The following LPIN1 variants were observed in gnomAD, a reference collection of about 807,000 sequenced individuals.
LPIN1 encodes phosphatidate phosphatase LPIN1.
In LPIN1, 71 loss-of-function variants were observed where a neutral mutation model predicts 107.5. That is an observed-to-expected ratio of 0.66 (90% CI 0.55 to 0.80). The LOEUF (loss-of-function observed/expected upper bound fraction) is 0.80. Ranked by LOEUF, LPIN1 falls within the 30% of genes least tolerant of loss-of-function variation. The pLI, the probability that LPIN1 is intolerant of heterozygous loss-of-function variation, is 0.00. For synonymous variants in LPIN1, 445 were observed against 452.6 expected, an observed-to-expected ratio of 0.98 and a Z score of 0.21; for missense variants, 1,043 against 1,160.6, an observed-to-expected ratio of 0.90 and a Z score of 1.47.
Position 11,782,453 on chromosome 2 carries a change from T to C in LPIN1, c.1210T>C (p.Ser404Pro), listed in dbSNP as rs1401494832. The change falls in exon 8 of 21, where the codon TCT becomes CCT. Residue 404 changes from serine (S) to proline (P), a missense_variant. Coordinates refer to ENST00000674199, the MANE Select transcript of LPIN1 (RefSeq NM_001349206.2). ...CATGATCGAGGAGCTCAAACCCCCCTCTGCCAGTGTAGTCCAGACAGCAAA... is the reference window on the plus strand; with the variant it reads ...CATGATCGAGGAGCTCAAACCCCCCCCTGCCAGTGTAGTCCAGACAGCAAA... ...LPMIEELKPP[S>P]ASVVQTANKT... 1 of 1,614,130 alleles carries C rather than the reference T, an allele frequency of 6.2e-7. No homozygotes were observed. Among genetic ancestry groups the C allele is most frequent in the Non-Finnish European group, 8.5e-7 (1 of 1,180,012 alleles).
intron 14 of LPIN1, among the ~76,000 whole-genome samples, chr2:11,797,709 C>T (rs987136143): frequency 1.3e-5 from 2 of 152,244 alleles, no homozygotes; most frequent in Non-Finnish European, 2.9e-5. Context: ...AAGCAACTCA[C>T]TTGCTTTTGA....
intron 7 of LPIN1, 44 bp downstream of exon 7, chr2:11,779,689 T>C (rs747131659): frequency 1.2e-6 from 2 of 1,612,002 alleles, no homozygotes; most frequent in Non-Finnish European, 1.7e-6. Context: ...GATTTCTAAC[T>C]CAGCTTAAAT....
chr2:11,732,469 G>A (rs1024377236), intron 1 of LPIN1, among the ~76,000 whole-genome samples: 2 of 152,144 alleles, frequency 1.3e-5, no homozygotes, highest in Non-Finnish European at 2.9e-5. Flanking sequence ...AGCTGTCTTT[G>A]TTTTCTGTGT....
chr2:11,724,823 C>T (rs576457583), intron 1 of LPIN1, among the ~76,000 whole-genome samples: 19 of 152,316 alleles, frequency 1.2e-4, no homozygotes, highest in African/African-American at 3.1e-4. Flanking sequence ...TTTGCTGGTT[C>T]GCTCTGGGCT....
chr2:11,749,377 A>G (rs1431460820), intron 1 of LPIN1, among the ~76,000 whole-genome samples: 1 of 152,136 alleles, frequency 6.6e-6, no homozygotes, highest in Non-Finnish European at 1.5e-5. Context: ...GCCCCCTAGG[A>G]GGCCACACTG....
intron 1 of LPIN1, among the ~76,000 whole-genome samples, chr2:11,683,963 G>A (rs368302329): frequency 5.7e-4 from 87 of 152,312 alleles, no homozygotes; most frequent in African/African-American, 2.0e-3. Flanking sequence ...CCAGCATGGG[G>A]GTGAGTGAGG....
chr2:11,782,330 G>A lies in LPIN1; in HGVS notation c.1087G>A (p.Gly363Ser), dbSNP rs774937420. The change falls in exon 8 of 21, where the codon GGT becomes AGT. Residue 363 changes from glycine (G) to serine (S), a missense_variant. Coordinates refer to ENST00000674199, the MANE Select transcript of LPIN1 (RefSeq NM_001349206.2). Reference sequence around the variant, plus strand: ...TAGTGACCAATCGCCAACTCTGGTCGGTGGGGCACTTTTGGACCAGAACAA... The same window carrying A: ...TAGTGACCAATCGCCAACTCTGGTCAGTGGGGCACTTTTGGACCAGAACAA... Reference protein sequence around the residue: ...TFSDQSPTLVGGALLDQNKPQ... With the variant: ...TFSDQSPTLVSGALLDQNKPQ... The A allele has an allele frequency of 2.1e-5, 34 of 1,614,070 alleles. No homozygotes were observed. The highest frequency in any genetic ancestry group is 2.8e-5 in the Non-Finnish European group (33 of 1,180,042).
At chr2:11,709,280 G>A (rs992739563) in intron 1 of LPIN1, among the ~76,000 whole-genome samples, 7 of 152,218 alleles carry the variant, frequency 4.6e-5, no homozygotes, top group African/African-American at 1.7e-4. Flanking sequence ...TGGTGTAGGA[G>A]GGTGTATGCA....
At chr2:11,724,753 G>A (rs1052127734) in intron 1 of LPIN1, 10 of 468,692 alleles carry the variant, frequency 2.1e-5, no homozygotes, top group Non-Finnish European at 2.8e-5. Flanking sequence ...GCTGAAGGGG[G>A]CAGTGACTGG....
intron 1 of LPIN1, among the ~76,000 whole-genome samples, chr2:11,730,068 A>C (rs1665037883): frequency 6.6e-6 from 1 of 151,808 alleles, no homozygotes; most frequent in Non-Finnish European, 1.5e-5. Flanking sequence ...ATTCCACCCT[A>C]CTCTTTCTCT....
chr2:11,763,728 A>T (rs11892204), intron 1 of LPIN1, among the ~76,000 whole-genome samples: 86,916 of 150,964 alleles, frequency 0.58, 26,063 homozygotes, highest in African/African-American at 0.73. Flanking sequence ...ATTCTTCCCT[A>T]GTGCACATTC....
At chr2:11,729,694 T>C (rs1351032221) in intron 1 of LPIN1, among the ~76,000 whole-genome samples, 1 of 152,224 alleles carries the variant, frequency 6.6e-6, no homozygotes, top group Non-Finnish European at 1.5e-5. Flanking sequence ...GGCTCTCTTA[T>C]GTGGTTTCTG....
chr2:11,810,387 G>C (rs532564541), intron 17 of LPIN1, among the ~76,000 whole-genome samples: 2 of 118,526 alleles, frequency 1.7e-5, no homozygotes, highest in South Asian at 5.0e-4. Context: ...GTAGGAGCGA[G>C]AGGGGAGGCT....
chr2:11,681,972 T>A (rs866175211), intron 1 of LPIN1, among the ~76,000 whole-genome samples: 5 of 152,162 alleles, frequency 3.3e-5, no homozygotes, highest in African/African-American at 1.2e-4. Context: ...ACTTCTCCCA[T>A]ACCGCGAACC....
At chr2:11,691,610 G>T (rs6432233) in intron 1 of LPIN1, among the ~76,000 whole-genome samples, 39,135 of 152,042 alleles carry the variant, frequency 0.26, 7,461 homozygotes, top group African/African-American at 0.54. Flanking sequence ...GTTGGAGCCC[G>T]GCTATGTCAT....
rs766980528 is a variant in LPIN1, at chr2:11,765,693, G to A, written c.152G>A (p.Arg51His). The A allele has an allele frequency of 7.4e-6, 12 of 1,612,726 alleles. No individual in the cohort carries two copies. The highest frequency in any genetic ancestry group is 1.3e-5 in the African/African-American group (1 of 74,864). Residue 51 changes from arginine (R) to histidine (H), a missense_variant, in exon 2 of 21, where the codon CGC becomes CAC. By Grantham distance (29) the Arg-to-His change is conservative. Transcript: ENST00000674199. This position sits in a 1 kb window ranked among gnomAD's most constrained non-coding sequence, Gnocchi z 4.4. ...GNLQCSPFHV[R>H]FGKMGVLRSR... The stretch of plus-strand genomic sequence containing the variant: ...CTCCAATGCTCCCCTTTCCACGTCC[G>A]CTTTGGGAAGATGGGGGTCCTGCGC...
intron 14 of LPIN1, among the ~76,000 whole-genome samples, chr2:11,798,664 T>C (rs1677147159): frequency 2.0e-5 from 3 of 152,254 alleles, no homozygotes; most frequent in Non-Finnish European, 2.9e-5. Context: ...TTGACTCTTG[T>C]GAAAACTCAG....
At chr2:11,782,144 G>A (rs1374042158) in intron 7 of LPIN1, 57 bp from the exon 8 acceptor site, 2 of 1,370,328 alleles carry the variant, frequency 1.5e-6, no homozygotes, top group African/African-American at 2.9e-5. Flanking sequence ...CAGTTTTTCT[G>A]GTTGCCTTTG....
At chr2:11,691,994 A>G (rs576647004) in intron 1 of LPIN1, among the ~76,000 whole-genome samples, 17 of 152,360 alleles carry the variant, frequency 1.1e-4, no homozygotes, top group African/African-American at 3.8e-4. Context: ...CTATTCTATG[A>G]AAATGGAAAG....
Sources: gnomAD v4.1 joint callset for allele counts (sites outside exome capture counted in the v4.1 genomes callset) on GRCh38, gnomAD v4.1.1 for gene constraint, Gnocchi (gnomAD v3.1) non-coding constraint, MANE v1.5 for transcripts, NCBI Gene and HGNC (gene_info 2026-07-23, HGNC 2026-07-21) for gene names.